Variants in EP400 observed in about 807,000 individuals in gnomAD.
EP400 encodes E1A binding protein p400.
EP400 carries 105 observed loss-of-function variants against 354.1 expected under a neutral mutation model. The ratio of observed to expected loss-of-function variants is 0.30; its 90% CI spans 0.25 to 0.35. The LOEUF is 0.35. EP400 is among the 10% of genes least tolerant of loss of function. The pLI, the probability that EP400 is intolerant of heterozygous loss-of-function variation, is 1.00. For missense variants in EP400, 3,280 were observed against 4,121.0 expected, an observed-to-expected ratio of 0.80 and a Z score of 5.59; for synonymous variants, 1,646 against 1,716.9, an observed-to-expected ratio of 0.96 and a Z score of 1.02.
Position 132,055,082 on chromosome 12 carries a change from C to T in EP400, c.7775-17C>T, listed in dbSNP as rs757852725. On this transcript the variant is annotated splice_polypyrimidine_tract_variant and intron_variant, in intron 44 of 52. Coordinates refer to ENST00000389561, the MANE Select transcript of EP400 (RefSeq NM_015409.5). ...TTTCTCCTGGCGCTGTTGCCTTATG[C>T]CCGCCTGTCTCCGCAGGTGCCGTGA... 6.2e-7 allele frequency: 1 copy of T among 1,613,754 alleles called. No individual in the cohort carries two copies. Among genetic ancestry groups the T allele is most frequent in the South Asian group, 1.1e-5 (1 of 91,064 alleles).
chr12:132,043,351 A>G lies in EP400; in HGVS notation c.6255A>G (p.Ala2085=), dbSNP rs370430526. 4.6e-5 allele frequency: 75 copies of G among 1,613,990 alleles called. No individual in the cohort carries two copies. The highest frequency in any genetic ancestry group is 4.5e-4 in the African/African-American group (34 of 74,922). The change falls in exon 33 of 53, where the codon GCA becomes GCG. Residue 2085 remains alanine (A), a synonymous_variant. Coordinates refer to ENST00000389561, the MANE Select transcript of EP400 (RefSeq NM_015409.5). The stretch of plus-strand genomic sequence containing the variant: ...TGGAGGAGGATGCCCAGAAGTCCGC[A>G]CAGGAGGGGGTGCTGGGACCACACA... ...EYLEEDAQKS[A]QEGVLGPHTD... is the part of the protein sequence containing the mutation.
rs970384621 is a variant in EP400, at chr12:132,070,460, G to A, written c.9021+819G>A. Among the ~76,000 whole-genome samples the A allele has an allele frequency of 3.9e-5, 6 of 152,222 alleles. No individual in the cohort carries two copies. Among genetic ancestry groups the A allele is most frequent in the African/African-American group, 1.4e-4 (6 of 41,442 alleles). The stretch of plus-strand genomic sequence containing the variant: ...GTCTCAGAGGCCATGCTGGTCCCAC[G>A]GCGCTCTCGCTATGAGCGGCAGTGA... On this transcript the variant is annotated intron_variant, in intron 51 of 52. Transcript: ENST00000389561. This position sits in a 1 kb window ranked among gnomAD's most constrained non-coding sequence, Gnocchi z 4.1.
At chr12:132,064,567 G>T (rs1895824357) in intron 47 of EP400, 101 bp from the exon 48 acceptor site, 2 of 1,467,360 alleles carry the variant, frequency 1.4e-6, no homozygotes, top group Non-Finnish European at 1.8e-6. Context: ...GTCTGCTTTG[G>T]TATTTAATGG....
In EP400 at chr12:132,038,762, C is replaced by T. The variant is rs184622260; in HGVS notation, c.6207+666C>T. ...GGGGCCGCTGTTCCCTCCCTGTCCC[C>T]GTGGCTTGCCCGCCAAAGCCCTGCA... On this transcript the variant is annotated intron_variant, in intron 32 of 52. Coordinates refer to ENST00000389561, the MANE Select transcript of EP400 (RefSeq NM_015409.5). This position sits in a 1 kb window ranked among gnomAD's most constrained non-coding sequence, Gnocchi z 4.2. Among the ~76,000 whole-genome samples, 6 of 152,304 alleles carry T rather than the reference C, an allele frequency of 3.9e-5. No homozygotes were observed. The highest frequency in any genetic ancestry group is 3.9e-4 in the East Asian group (2 of 5,170).
At chr12:132,040,052 T>A (rs970058156) in intron 32 of EP400, among the ~76,000 whole-genome samples, 1 of 152,116 alleles carries the variant, frequency 6.6e-6, no homozygotes, top group African/African-American at 2.4e-5. Flanking sequence ...AGATAAAATA[T>A]GCAAAGGACC....
chr12:132,043,188 G>A (rs558438297), intron 32 of EP400, 116 bp from the exon 33 acceptor site: 278 of 1,117,728 alleles, frequency 2.5e-4, no homozygotes, highest in Non-Finnish European at 2.6e-4. Context: ...TACCTTTATG[G>A]AGAGTGGGTG....
At position 132,066,893 on chromosome 12, in the gene EP400, C is replaced by T. The variant is rs144105992; in HGVS notation, c.8673C>T (p.Ser2891=). ...PVVSVPAAVV[S]SPGVTTLPMN... Reference sequence around the variant, plus strand: ...TGTCCGTCCCGGCAGCTGTGGTCTCCTCACCGGGAGTCACCACCCTGCCCA... The same window carrying T: ...TGTCCGTCCCGGCAGCTGTGGTCTCTTCACCGGGAGTCACCACCCTGCCCA... Residue 2891 remains serine (S), a synonymous_variant, in exon 49 of 53, where the codon TCC becomes TCT. Transcript: ENST00000389561. 1.6e-4 allele frequency: 256 copies of T among 1,613,418 alleles called. No individual in the cohort carries two copies. The highest frequency in any genetic ancestry group is 3.8e-4 in the Admixed American group (23 of 59,878).
chr12:131,993,249 T>A (rs1055511241), intron 11 of EP400, among the ~76,000 whole-genome samples: 6 of 152,066 alleles, frequency 3.9e-5, no homozygotes, highest in African/African-American at 1.4e-4. Context: ...GGTCTCAAAC[T>A]CCTGACCTCA....
At chr12:132,033,351 A>G (rs1217716649) in intron 30 of EP400, among the ~76,000 whole-genome samples, 1 of 152,184 alleles carries the variant, frequency 6.6e-6, no homozygotes, top group Admixed American at 6.5e-5. Flanking sequence ...TTACTGTTAC[A>G]GTGTAATAGT....
At chr12:132,055,649 GT>G (rs1895475166) in intron 45 of EP400, among the ~76,000 whole-genome samples, 1 of 135,444 alleles carries the variant, frequency 7.4e-6, no homozygotes, top group Admixed American at 7.4e-5. Flanking sequence ...AGGGGTGTGT[GT>G]GAGGTGTAGG....
At position 131,960,605 on chromosome 12, in the gene EP400, A is replaced by T; in HGVS notation, c.-15A>T. 1 of 1,575,392 alleles carries T rather than the reference A, an allele frequency of 6.3e-7. No individual in the cohort carries two copies. The highest frequency in any genetic ancestry group is 8.6e-7 in the Non-Finnish European group (1 of 1,161,066). ...TTTAGGAGAACGACACATTGGATAC[A>T]GAAGGGAGGTGATCATGCACCATGG... On this transcript the variant is annotated 5_prime_UTR_variant, in exon 2 of 53. Transcript: ENST00000389561.
intron 32 of EP400, among the ~76,000 whole-genome samples, chr12:132,041,962 T>C (rs963494920): frequency 6.6e-6 from 1 of 151,088 alleles, no homozygotes; most frequent in Admixed American, 6.6e-5. Flanking sequence ...TTTTCTTTTT[T>C]TTTTTTTTAA....
Position 132,028,094 on chromosome 12 carries a change from A to G in EP400, c.5187A>G (p.Pro1729=). Residue 1729 remains proline (P), a synonymous_variant, in exon 27 of 53, where the codon CCA becomes CCG. Transcript: ENST00000389561. Reference sequence around the variant, plus strand: ...ACGAGCGGCGCTGTTCTCAAGCTCCAGTCTATGGCAGAGACTTGCTAAGGA... The same window carrying G: ...ACGAGCGGCGCTGTTCTCAAGCTCCGGTCTATGGCAGAGACTTGCTAAGGA... ...LVNERRCSQA[P]VYGRDLLRIC... 1 of 1,614,222 alleles carries G rather than the reference A, an allele frequency of 6.2e-7. No individual in the cohort carries two copies. Among genetic ancestry groups the G allele is most frequent in the Non-Finnish European group, 8.5e-7 (1 of 1,180,040 alleles).
intron 27 of EP400, among the ~76,000 whole-genome samples, chr12:132,028,499 A>G (rs1894381280): frequency 6.6e-6 from 1 of 152,112 alleles, no homozygotes; most frequent in East Asian, 1.9e-4. Flanking sequence ...GCGGCTTCTG[A>G]AGGAAGTTGG....
At chr12:132,024,110 T>C (rs1198707588) in intron 24 of EP400, among the ~76,000 whole-genome samples, 169 bp downstream of exon 24, 1 of 152,262 alleles carries the variant, frequency 6.6e-6, no homozygotes. Context: ...ATGACGTTCA[T>C]CAGCCACCGG....
chr12:131,963,641 A>G, intron 2 of EP400: 1 of 1,597,296 alleles, frequency 6.3e-7, no homozygotes, highest in Non-Finnish European at 8.5e-7. Context: ...CAACCATTTC[A>G]GGTACTTTTC....
rs1893062007 is a variant in EP400, at chr12:131,992,183, T to C, written c.2690T>C (p.Met897Thr). The change falls in exon 11 of 53, where the codon ATG becomes ACG. Residue 897 changes from methionine (M) to threonine (T), a missense_variant. By Grantham distance (81) the Met-to-Thr change is moderately conservative. This residue lies in a region of EP400 where 800 missense variants were observed against 840.0 expected (regional missense o/e 0.95). Coordinates refer to ENST00000389561, the MANE Select transcript of EP400 (RefSeq NM_015409.5). ...TTTCTTTTCTTTCAGGATTCAGGAA[T>C]GTCTGGAAGAAAAAGAAAAGCTAGC... ...ALQESSLDSG[M>T]SGRKRKASIS... 1 of 1,608,514 alleles carries C rather than the reference T, an allele frequency of 6.2e-7. No homozygotes were observed. The highest frequency in any genetic ancestry group is 8.5e-7 in the Non-Finnish European group (1 of 1,179,978).
rs1593349880 is a variant in EP400 at position 132,017,790 on chromosome 12, A to T, written c.4110+69A>T. The T allele has an allele frequency of 4.2e-6, 6 of 1,436,354 alleles. No homozygotes were observed. The East Asian group carries it at 1.5e-4, about 36-fold the overall frequency. The allele number at this position is 1,436,354 out of a possible 1,614,324, so 89.0% of individuals were successfully genotyped here. On this transcript the variant is annotated intron_variant, in intron 20 of 52. Transcript: ENST00000389561. The surrounding 1 kb of genome is among the most constrained non-coding windows in gnomAD (Gnocchi z 5.0). ...TTCTAGGCACATTATAGATAAAACC[A>T]TTCTTGGAAATGGGTTCTCAACCAG...
At chr12:132,032,981 C>T (rs1299922389) in intron 30 of EP400, among the ~76,000 whole-genome samples, 1 of 151,684 alleles carries the variant, frequency 6.6e-6, no homozygotes, top group African/African-American at 2.4e-5. Flanking sequence ...GAGTTTCGCT[C>T]TTGTTAGCCA....
Sources: gnomAD v4.1 joint callset for allele counts (sites outside exome capture counted in the v4.1 genomes callset) on GRCh38, gnomAD v4.1.1 for gene constraint, gnomAD v4.1.1 regional missense constraint, Gnocchi (gnomAD v3.1) non-coding constraint, MANE v1.5 for transcripts, NCBI Gene and HGNC (gene_info 2026-07-23, HGNC 2026-07-21) for gene names.